Variants in DOK5 observed in about 807,000 individuals in gnomAD.
DOK5 encodes the protein downstream of tyrosine kinase 5.
In DOK5, 27 loss-of-function variants were observed where a neutral mutation model predicts 43.3. That is an observed-to-expected ratio of 0.62 (90% CI 0.46 to 0.86). The LOEUF (loss-of-function observed/expected upper bound fraction) is 0.86, where lower values mean the gene tolerates loss of function less well. Ranked by LOEUF, DOK5 falls within the 40% of genes least tolerant of loss-of-function variation. The pLI, the probability that DOK5 is intolerant of heterozygous loss-of-function variation, is 0.00. For synonymous variants in DOK5, 146 were observed against 140.1 expected, an observed-to-expected ratio of 1.04 and a Z score of -0.30; for missense variants, 373 against 392.9, an observed-to-expected ratio of 0.95 and a Z score of 0.43.
At chr20:54,620,754 A>G (rs569412712) in intron 6 of DOK5, among the ~76,000 whole-genome samples, 8 of 152,116 alleles carry the variant, frequency 5.3e-5, no homozygotes, top group African/African-American at 1.9e-4. Context: ...GCGTACACAA[A>G]TGTTCACGGG....
chr20:54,573,008 AC>A (rs1173767474), intron 2 of DOK5, among the ~76,000 whole-genome samples: 1 of 152,254 alleles, frequency 6.6e-6, no homozygotes, highest in Non-Finnish European at 1.5e-5. Context: ...AACACAGCAG[AC>A]GAAATCCTGA....
intron 1 of DOK5, among the ~76,000 whole-genome samples, chr20:54,505,431 G>C (rs1051124042): frequency 2.0e-5 from 3 of 152,060 alleles, no homozygotes; most frequent in African/African-American, 7.2e-5. Flanking sequence ...GATTAAACAA[G>C]TGAATACCTA....
intron 1 of DOK5, among the ~76,000 whole-genome samples, chr20:54,534,850 T>TCTTTC (rs1568771318): frequency 1.3e-5 from 2 of 151,248 alleles, no homozygotes; most frequent in South Asian, 2.1e-4. Flanking sequence ...TTTCTTTCTT[T>TCTTTC]TTTTGAGATG....
chr20:54,528,186 A>G (rs1281938496), intron 1 of DOK5, among the ~76,000 whole-genome samples: 1 of 152,206 alleles, frequency 6.6e-6, no homozygotes, highest in African/African-American at 2.4e-5. Context: ...AGCCTGGGCA[A>G]CAAGAATGAA....
rs1047414816 is a variant in DOK5 at position 54,522,257 on chromosome 20, T to G, written c.67-32676T>G. 2.6e-5 allele frequency among the ~76,000 whole-genome samples: 4 copies of G among 152,154 alleles called. 1 individual carries two copies. The highest frequency in any genetic ancestry group is 4.1e-4 in the South Asian group (2 of 4,820). ...GATCTCATAATGTTTTAAGAAAGTT[T>G]ACGAATTTGTGTTGGGCGGCATTTA... On this transcript the variant is annotated intron_variant, in intron 1 of 7. Coordinates refer to ENST00000262593, the MANE Select transcript of DOK5 (RefSeq NM_018431.5).
rs1983472266 is a variant in DOK5 at position 54,523,240 on chromosome 20, C to T, written c.67-31693C>T. Among the ~76,000 whole-genome samples, 6 of 152,132 alleles carry T rather than the reference C, an allele frequency of 3.9e-5. No homozygotes were observed. In the South Asian group the frequency reaches 1.2e-3, roughly 32 times the overall value. Reference sequence around the variant, plus strand: ...TTTGAGGGCACTTAACTTCAAAGCTCCAATAGAAATATTACAACTATTAAT... The same window carrying T: ...TTTGAGGGCACTTAACTTCAAAGCTTCAATAGAAATATTACAACTATTAAT... On this transcript the variant is annotated intron_variant, in intron 1 of 7. Transcript: ENST00000262593.
At chr20:54,644,735 C>G (rs1438113374) in intron 7 of DOK5, among the ~76,000 whole-genome samples, 3 of 88,872 alleles carry the variant, frequency 3.4e-5, no homozygotes, top group African/African-American at 1.1e-4. Context: ...CAAAATTTAG[C>G]TGGGCGTGGT....
intron 4 of DOK5, among the ~76,000 whole-genome samples, chr20:54,590,037 C>T (rs1479726089): frequency 1.3e-5 from 2 of 152,158 alleles, no homozygotes. Context: ...ATAAAGAAAA[C>T]CTGGCAGGTT....
chr20:54,548,170 A>G (rs998205533), intron 1 of DOK5, among the ~76,000 whole-genome samples: 2 of 152,216 alleles, frequency 1.3e-5, no homozygotes, highest in Non-Finnish European at 2.9e-5. Flanking sequence ...CTATTTCAAC[A>G]TGGAAGTTAT....
rs2297153 is a variant in DOK5, at chr20:54,494,561, C to T, written c.66+18549C>T. On this transcript the variant is annotated intron_variant, in intron 1 of 7. Coordinates refer to ENST00000262593, the MANE Select transcript of DOK5 (RefSeq NM_018431.5). ...ACTTAGTTGGGTGTGGTGGCTGGCA[C>T]CTTTAGGCAAGGTAGCTTGGCCCAT... is the stretch of plus-strand genomic sequence containing the variant. 9.9e-4 allele frequency among the ~76,000 whole-genome samples: 150 copies of T among 152,270 alleles called. 2 individuals carry two copies. In the East Asian group the frequency reaches 0.024, roughly 25 times the overall value.
intron 5 of DOK5, among the ~76,000 whole-genome samples, chr20:54,604,736 C>T (rs1305499937): frequency 1.3e-5 from 2 of 152,134 alleles, no homozygotes; most frequent in Admixed American, 1.3e-4. Context: ...CACGGTGGCT[C>T]ATGCCTGTAA....
rs1045813727 is a variant in DOK5 at position 54,475,659 on chromosome 20, C to G, written c.-288C>G. 1.2e-5 allele frequency: 6 copies of G among 514,058 alleles called. No homozygotes were observed. In the African/African-American group the frequency reaches 1.2e-4, roughly 10 times the overall value. The allele number at this position is 514,058 out of a possible 1,614,324, so 31.8% of individuals were successfully genotyped here. On this transcript the variant is annotated 5_prime_UTR_variant, in exon 1 of 8. Coordinates refer to ENST00000262593, the MANE Select transcript of DOK5 (RefSeq NM_018431.5). This position sits in a 1 kb window ranked among gnomAD's most constrained non-coding sequence, Gnocchi z 4.2. ...TCCCTCAGCCGCCGCCGCTCCTCCTCCTGGCAGGCCGGCCGCGGAGTCAGC... is the reference window on the plus strand; with the variant it reads ...TCCCTCAGCCGCCGCCGCTCCTCCTGCTGGCAGGCCGGCCGCGGAGTCAGC...
intron 1 of DOK5, among the ~76,000 whole-genome samples, chr20:54,546,482 T>C (rs1984350993): frequency 6.6e-6 from 1 of 151,656 alleles, no homozygotes; most frequent in Non-Finnish European, 1.5e-5. Context: ...ATGTGCCATG[T>C]TGGTGTGCTG....
At chr20:54,616,936 C>T (rs1037157493) in intron 6 of DOK5, among the ~76,000 whole-genome samples, 2 of 152,016 alleles carry the variant, frequency 1.3e-5, no homozygotes, top group Admixed American at 1.3e-4. Context: ...ACTACAGGCG[C>T]CTGCCACCAC....
intron 6 of DOK5, among the ~76,000 whole-genome samples, chr20:54,611,509 C>T (rs796216176): frequency 3.3e-5 from 5 of 151,928 alleles, no homozygotes; most frequent in African/African-American, 7.2e-5. Context: ...TACAGTGAGC[C>T]GAGTTTGTGC....
intron 6 of DOK5, among the ~76,000 whole-genome samples, chr20:54,615,627 A>G (rs1037425897): frequency 6.6e-6 from 1 of 152,154 alleles, no homozygotes; most frequent in Non-Finnish European, 1.5e-5. Context: ...AAGGCATAAA[A>G]ACAGCCTAGC....
intron 7 of DOK5, among the ~76,000 whole-genome samples, chr20:54,644,811 T>A (rs1415855011): frequency 6.6e-6 from 1 of 150,970 alleles, no homozygotes; most frequent in East Asian, 2.0e-4. Flanking sequence ...GTGGTTGCAG[T>A]GAGCCAGAAT....
chr20:54,632,996 G>A (rs997443529), intron 6 of DOK5, among the ~76,000 whole-genome samples: 6 of 152,120 alleles, frequency 3.9e-5, no homozygotes, highest in South Asian at 2.1e-4. Flanking sequence ...GCTTGAACCC[G>A]GGAGGTAGAG....
chr20:54,541,804 C>T (rs1265443141), intron 1 of DOK5, among the ~76,000 whole-genome samples: 3 of 152,158 alleles, frequency 2.0e-5, no homozygotes, highest in Non-Finnish European at 2.9e-5. Context: ...CCACTGCCAG[C>T]CCTGAACTCT....
Sources: gnomAD v4.1 joint callset for allele counts (sites outside exome capture counted in the v4.1 genomes callset) on GRCh38, gnomAD v4.1.1 for gene constraint, Gnocchi (gnomAD v3.1) non-coding constraint, MANE v1.5 for transcripts, NCBI Gene and HGNC (gene_info 2026-07-23, HGNC 2026-07-21) for gene names.